The following MARCHF1 variants were observed in gnomAD, a reference collection of about 807,000 sequenced individuals.
MARCHF1 encodes membrane associated ring-CH-type finger 1, also known as E3 ubiquitin-protein ligase MARCHF1.
MARCHF1 carries 40 observed loss-of-function variants against 54.2 expected under a neutral mutation model. The ratio of observed to expected loss-of-function variants is 0.74; its 90% CI spans 0.57 to 0.96. The LOEUF (loss-of-function observed/expected upper bound fraction) is 0.96. Ranked by LOEUF, MARCHF1 falls within the 40% of genes least tolerant of loss-of-function variation. MARCHF1 has a pLI of 0.00. For synonymous variants in MARCHF1, 236 were observed against 236.3 expected (o/e 1.00, Z 0.01); for missense variants, 586 against 656.5 (o/e 0.89, Z 1.17).
At chr4:163,638,291 G>C (rs966791997) in intron 5 of MARCHF1, among the ~76,000 whole-genome samples, 12 of 151,668 alleles carry the variant, frequency 7.9e-5, no homozygotes, top group Admixed American at 7.2e-4. Flanking sequence ...CAGTGTTGGA[G>C]GTGGGGCTGG....
intron 3 of MARCHF1, among the ~76,000 whole-genome samples, chr4:163,981,240 A>C (rs1276906565): frequency 6.6e-6 from 1 of 152,164 alleles, no homozygotes; most frequent in Non-Finnish European, 1.5e-5. Context: ...TGTAGCAGAA[A>C]ATGTGCAACC....
At chr4:163,865,043 A>G (rs994316081) in intron 3 of MARCHF1, among the ~76,000 whole-genome samples, 3 of 151,858 alleles carry the variant, frequency 2.0e-5, no homozygotes, top group African/African-American at 7.2e-5. Flanking sequence ...GCCAGGTTCC[A>G]CTCCCGTCTC....
chr4:163,828,026 C>CAT (rs1748903491), intron 4 of MARCHF1, among the ~76,000 whole-genome samples: 1 of 97,180 alleles, frequency 1.0e-5, no homozygotes, highest in South Asian at 4.2e-4. Context: ...CACACACACA[C>CAT]ACACACACAC....
chr4:163,782,807 A>G (rs1747507371), intron 4 of MARCHF1, among the ~76,000 whole-genome samples: 1 of 152,168 alleles, frequency 6.6e-6, no homozygotes, highest in African/African-American at 2.4e-5. Context: ...CAGTATCAGG[A>G]AGAAAGAATA....
chr4:163,558,357 G>A (rs1739358445), intron 8 of MARCHF1, among the ~76,000 whole-genome samples: 1 of 152,194 alleles, frequency 6.6e-6, no homozygotes, highest in Admixed American at 6.5e-5. Context: ...ACAAATGTAA[G>A]CTGACCTCTT....
At chr4:163,537,359 A>C (rs748591243) in intron 9 of MARCHF1, among the ~76,000 whole-genome samples, 3 of 152,322 alleles carry the variant, frequency 2.0e-5, no homozygotes, top group Non-Finnish European at 4.4e-5. Flanking sequence ...ACAATGATAG[A>C]GAAAGGAAGG....
intron 1 of MARCHF1, among the ~76,000 whole-genome samples, chr4:164,159,902 T>C (rs1730185270): frequency 6.6e-6 from 1 of 152,154 alleles, no homozygotes; most frequent in East Asian, 1.9e-4. Context: ...ACACTGAATT[T>C]AATCACCATG....
At chr4:163,986,135 G>A (rs1752857131) in intron 3 of MARCHF1, among the ~76,000 whole-genome samples, 1 of 150,188 alleles carries the variant, frequency 6.7e-6, no homozygotes, top group Non-Finnish European at 1.5e-5. Flanking sequence ...AGAAAACCAA[G>A]AAGCATTTGA....
chr4:164,361,638 T>C (rs1202411750), intron 1 of MARCHF1, among the ~76,000 whole-genome samples: 1 of 152,184 alleles, frequency 6.6e-6, no homozygotes, highest in East Asian at 1.9e-4. Flanking sequence ...GTTTTTGATA[T>C]GAGTGATAAC....
At chr4:163,976,686 T>G (rs533774744) in intron 3 of MARCHF1, among the ~76,000 whole-genome samples, 1 of 152,068 alleles carries the variant, frequency 6.6e-6, no homozygotes, top group Non-Finnish European at 1.5e-5. Context: ...GAACAATGAG[T>G]CCCATGTTAG....
At chr4:164,017,692 TTGAG>T (rs778885281) in intron 2 of MARCHF1, among the ~76,000 whole-genome samples, 3 of 151,868 alleles carry the variant, frequency 2.0e-5, no homozygotes, top group East Asian at 3.8e-4. Flanking sequence ...GTACGTTTAT[TTGAG>T]TATCAATATA....
chr4:163,700,539 A>AGGAG (rs1274660782), intron 5 of MARCHF1, among the ~76,000 whole-genome samples: 2 of 108,348 alleles, frequency 1.8e-5, no homozygotes, highest in Non-Finnish European at 4.2e-5. Context: ...GAAGGAAGGA[A>AGGAG]GGAAGGAAGG....
chr4:164,099,325 C>T (rs1755484883), intron 2 of MARCHF1, among the ~76,000 whole-genome samples: 1 of 152,184 alleles, frequency 6.6e-6, no homozygotes. Flanking sequence ...AGAATGTTAG[C>T]ACTTTCAATG....
chr4:163,994,257 A>AGTGTGTGTGTGTGTGT (rs769035806), intron 2 of MARCHF1, among the ~76,000 whole-genome samples: 95 of 137,128 alleles, frequency 6.9e-4, no homozygotes, highest in East Asian at 3.9e-3. Flanking sequence ...ATAGAGAAAA[A>AGTGTGTGTGTGTGTGT]GTGTGTGTGT....
At chr4:163,696,351 GAC>G (rs1397316471) in intron 5 of MARCHF1, among the ~76,000 whole-genome samples, 2 of 152,086 alleles carry the variant, frequency 1.3e-5, no homozygotes, top group Non-Finnish European at 2.9e-5. Flanking sequence ...ATGTTTATAA[GAC>G]ACAGTCCTGA....
chr4:163,911,765 T>C (rs994696241), intron 3 of MARCHF1, among the ~76,000 whole-genome samples: 9 of 152,196 alleles, frequency 5.9e-5, no homozygotes, highest in African/African-American at 2.2e-4. Context: ...CACACTGATA[T>C]GCACAGAGGA....
intron 2 of MARCHF1, among the ~76,000 whole-genome samples, chr4:163,991,833 C>T (rs996378209): frequency 2.0e-5 from 3 of 152,070 alleles, no homozygotes; most frequent in Non-Finnish European, 4.4e-5. Context: ...TACATTCTGG[C>T]TTCCAGCCCT....
intron 4 of MARCHF1, among the ~76,000 whole-genome samples, chr4:163,759,024 G>GTT (rs1249017911): frequency 1.8e-4 from 27 of 151,962 alleles, no homozygotes; most frequent in African/African-American, 6.3e-4. Context: ...AAGAACTGAA[G>GTT]CATCAAAGTA....
In MARCHF1 at chr4:164,309,633, C is replaced by T. The variant is rs1183281020; in HGVS notation, c.-323+74237G>A. Among the ~76,000 whole-genome samples the T allele has an allele frequency of 2.6e-5, 4 of 152,156 alleles. No individual in the cohort carries two copies. The East Asian group carries it at 5.8e-4, about 22-fold the overall frequency. On this transcript the variant is annotated intron_variant, in intron 1 of 9. Transcript: ENST00000514618. The stretch of plus-strand genomic sequence containing the variant: ...ATGTCCTAAGTACAGGGGCAATTCA[C>T]GCCTTTCTGTTTTCTTCTATTTCTA...
Sources: allele counts gnomAD v4.1 joint callset (sites outside exome capture counted in the v4.1 genomes callset), GRCh38; gene constraint gnomAD v4.1.1; transcripts MANE v1.5; gene names NCBI Gene and HGNC (gene_info 2026-07-23, HGNC 2026-07-21).